SSBP2: variants seen among roughly 807,000 people sequenced by gnomAD.
SSBP2 encodes single stranded DNA binding protein 2.
A neutral mutation model predicts 61.8 loss-of-function variants in SSBP2; 17 were observed. That is an observed-to-expected ratio of 0.28 (90% confidence interval 0.19 to 0.41). The LOEUF is 0.41. Among genes scored for constraint, SSBP2 ranks in the 10% least tolerant of loss-of-function variants. The pLI is 1.00. For missense variants in SSBP2, 310 were observed against 458.7 expected, an observed-to-expected ratio of 0.68 and a Z score of 2.96; for synonymous variants, 139 against 141.3, an observed-to-expected ratio of 0.98 and a Z score of 0.12.
At chr5:81,423,605 C>T (rs189348520) in intron 16 of SSBP2, among the ~76,000 whole-genome samples, 4 of 152,024 alleles carry the variant, frequency 2.6e-5, no homozygotes, top group African/African-American at 7.2e-5. Context: ...GTTAGCCAGG[C>T]GAGGTGGCAG....
At chr5:81,726,641 C>T (rs1013919811) in intron 1 of SSBP2, among the ~76,000 whole-genome samples, 2 of 152,122 alleles carry the variant, frequency 1.3e-5, no homozygotes, top group Non-Finnish European at 2.9e-5. Flanking sequence ...TATATACCCC[C>T]AATCATCCTC....
intron 10 of SSBP2, among the ~76,000 whole-genome samples, 158 bp downstream of exon 10, chr5:81,460,897 G>C (rs1318413331): frequency 6.6e-6 from 1 of 151,902 alleles, no homozygotes; most frequent in Non-Finnish European, 1.5e-5. Flanking sequence ...AAAAAATTAT[G>C]CATCTTTTTC....
intron 4 of SSBP2, among the ~76,000 whole-genome samples, chr5:81,520,322 A>T (rs866876849): frequency 3.0e-4 from 46 of 152,196 alleles, no homozygotes; most frequent in Non-Finnish European, 1.0e-4. Flanking sequence ...ATATAAAACT[A>T]CAAATTTGGC....
chr5:81,701,744 T>G (rs191591447), intron 1 of SSBP2, among the ~76,000 whole-genome samples: 2 of 152,220 alleles, frequency 1.3e-5, no homozygotes, highest in Admixed American at 1.3e-4. Flanking sequence ...TGTTCCATCC[T>G]TGGCACCTAA....
intron 4 of SSBP2, among the ~76,000 whole-genome samples, chr5:81,592,972 C>T (rs182345452): frequency 2.3e-4 from 35 of 152,216 alleles, no homozygotes; most frequent in African/African-American, 5.5e-4. Flanking sequence ...TCACAAGCAA[C>T]AGAACAAAGC....
chr5:81,442,791 G>T, intron 12 of SSBP2, 68 bp from the exon 13 acceptor site: 2 of 812,594 alleles, frequency 2.5e-6, no homozygotes, highest in South Asian at 1.8e-5. Context: ...ACAAAGTAAT[G>T]ATCAAAGATG....
Position 81,681,512 on chromosome 5 carries a change from T to G in SSBP2, c.63-31173A>C, listed in dbSNP as rs1483014064. On this transcript the variant is annotated intron_variant, in intron 1 of 16. Transcript: ENST00000320672. The stretch of plus-strand genomic sequence containing the variant: ...TCCAGCCTAGGCAACAGAGCCAGGC[T>G]CCACCTCAAAAAAAAAAAAAAAAAG... Among the ~76,000 whole-genome samples the G allele has an allele frequency of 1.2e-4, 14 of 116,564 alleles. No homozygotes were observed. In the East Asian group the frequency reaches 3.0e-3, roughly 25 times the overall value. 76.5% of individuals were successfully genotyped at this position (116,564 alleles called of 152,430 possible). A position where few individuals can be genotyped will look rare whatever the true frequency, so the allele number is the denominator to read the frequency against.
At chr5:81,448,175 A>G (rs1763526818) in intron 11 of SSBP2, 1 of 152,450 alleles carries the variant, frequency 6.6e-6, no homozygotes, top group African/African-American at 2.4e-5. Flanking sequence ...TGTAGCTAGG[A>G]TCATAATGTG....
At chr5:81,665,101 T>C (rs1750998279) in intron 1 of SSBP2, among the ~76,000 whole-genome samples, 1 of 152,218 alleles carries the variant, frequency 6.6e-6, no homozygotes, top group African/African-American at 2.4e-5. Flanking sequence ...GTAAAAAATA[T>C]CAATGGTAGT....
intron 2 of SSBP2, among the ~76,000 whole-genome samples, chr5:81,643,852 G>A (rs1371991349): frequency 6.6e-6 from 1 of 151,786 alleles, no homozygotes; most frequent in Non-Finnish European, 1.5e-5. Flanking sequence ...ATCTGCCCGC[G>A]TCAGCCTCCC....
At chr5:81,733,955 C>T (rs979938059) in intron 1 of SSBP2, among the ~76,000 whole-genome samples, 3 of 152,070 alleles carry the variant, frequency 2.0e-5, no homozygotes, top group Non-Finnish European at 4.4e-5. Context: ...GTATCATCAG[C>T]CTTGCAATTA....
intron 4 of SSBP2, among the ~76,000 whole-genome samples, chr5:81,564,714 T>C (rs2153425762): frequency 6.6e-6 from 1 of 152,296 alleles, no homozygotes; most frequent in African/African-American, 2.4e-5. Context: ...CAAAGCCCCA[T>C]GCAAAATTAA....
intron 1 of SSBP2, among the ~76,000 whole-genome samples, chr5:81,692,015 T>C (rs1753240240): frequency 6.6e-6 from 1 of 152,064 alleles, no homozygotes; most frequent in South Asian, 2.1e-4. Context: ...GCTAGAGCAA[T>C]CAGACAAGAG....
intron 4 of SSBP2, among the ~76,000 whole-genome samples, chr5:81,556,843 A>G (rs1772645712): frequency 6.6e-6 from 1 of 152,156 alleles, no homozygotes; most frequent in Non-Finnish European, 1.5e-5. Flanking sequence ...TTTCATTATC[A>G]TATAACAATT....
At chr5:81,633,451 C>T (rs1231565289) in intron 3 of SSBP2, among the ~76,000 whole-genome samples, 1 of 152,132 alleles carries the variant, frequency 6.6e-6, no homozygotes, top group African/African-American at 2.4e-5. Context: ...TCTTCCTCCT[C>T]ATTCCTTGGA....
intron 4 of SSBP2, among the ~76,000 whole-genome samples, chr5:81,593,425 T>C (rs922120911): frequency 1.3e-5 from 2 of 152,166 alleles, no homozygotes; most frequent in African/African-American, 4.8e-5. Flanking sequence ...CTGCAGAATA[T>C]TATCCAGGAA....
At chr5:81,568,039 T>C (rs1433623565) in intron 4 of SSBP2, among the ~76,000 whole-genome samples, 1 of 152,180 alleles carries the variant, frequency 6.6e-6, no homozygotes, top group African/African-American at 2.4e-5. Flanking sequence ...CTTTGGACTG[T>C]GGACTTTTGA....
At chr5:81,439,373 T>C (rs763073492) in intron 14 of SSBP2, among the ~76,000 whole-genome samples, 4 of 152,214 alleles carry the variant, frequency 2.6e-5, no homozygotes, top group Non-Finnish European at 4.4e-5. Context: ...AATATAACTA[T>C]AGTATGTGGT....
intron 3 of SSBP2, among the ~76,000 whole-genome samples, chr5:81,629,311 G>A (rs1747473817): frequency 6.6e-6 from 1 of 152,164 alleles, no homozygotes; most frequent in South Asian, 2.1e-4. Context: ...TTATGTTGAT[G>A]CCAACTGAGT....
Sources: gnomAD v4.1 joint callset for allele counts (sites outside exome capture counted in the v4.1 genomes callset) on GRCh38, gnomAD v4.1.1 for gene constraint, MANE v1.5 for transcripts, NCBI Gene and HGNC (gene_info 2026-07-23, HGNC 2026-07-21) for gene names.